RABEP1: variants seen among roughly 807,000 people sequenced by gnomAD.
RABEP1 encodes the protein rab GTPase-binding effector protein 1.
RABEP1 carries 51 observed loss-of-function variants against 123.4 expected under a neutral mutation model. The ratio of observed to expected loss-of-function variants is 0.41; its 90% CI spans 0.33 to 0.52. The LOEUF (loss-of-function observed/expected upper bound fraction) is 0.52, where lower values mean the gene tolerates loss of function less well. RABEP1 is among the 20% of genes least tolerant of loss of function. The probability of loss-of-function intolerance (pLI) is 0.16; values close to 1 mark genes in which losing one functional copy is unlikely to be tolerated. For missense variants in RABEP1, 888 were observed against 996.3 expected (o/e 0.89, Z 1.46); for synonymous variants, 347 against 355.2 (o/e 0.98, Z 0.26).
intron 2 of RABEP1, among the ~76,000 whole-genome samples, chr17:5,318,867 G>A (rs757324047): frequency 2.0e-5 from 3 of 152,088 alleles, no homozygotes; most frequent in Non-Finnish European, 4.4e-5. Flanking sequence ...GCAGCCACGT[G>A]GCATTTGTGT....
At position 5,322,361 on chromosome 17, in the gene RABEP1, G is replaced by C. The variant is rs192211924; in HGVS notation, c.164-9588G>C. On this transcript the variant is annotated intron_variant, in intron 2 of 17. Coordinates refer to ENST00000537505, the MANE Select transcript of RABEP1 (RefSeq NM_004703.6). ...GGGTGACAGTGAAACTGTCTCAAAA[G>C]AAAAAAAAGAAAAGACCGTAAAAAG... 6.7e-3 allele frequency among the ~76,000 whole-genome samples: 1,007 copies of C among 150,378 alleles called. 8 individuals carry two copies. Among genetic ancestry groups the C allele is most frequent in the Non-Finnish European group, 0.011 (736 of 67,492 alleles).
intron 8 of RABEP1, among the ~76,000 whole-genome samples, chr17:5,354,712 C>CT (rs952014951): frequency 2.0e-5 from 3 of 152,134 alleles, no homozygotes; most frequent in African/African-American, 7.2e-5. Flanking sequence ...AATAGATGTT[C>CT]TTTTTTCCAG....
At chr17:5,329,121 T>G in intron 2 of RABEP1, among the ~76,000 whole-genome samples, 1 of 151,846 alleles carries the variant, frequency 6.6e-6, no homozygotes, top group East Asian at 1.9e-4. Flanking sequence ...AGTGGTACTT[T>G]GTTTATATAA....
chr17:5,336,186 A>G (rs781075857), intron 4 of RABEP1, among the ~76,000 whole-genome samples: 6 of 152,180 alleles, frequency 3.9e-5, no homozygotes, highest in Admixed American at 6.5e-5. Context: ...TTTCTTTTCA[A>G]TTGAATTGAT....
In RABEP1 at chr17:5,373,574, A is replaced by G. The variant is rs1013198413; in HGVS notation, c.2025+120A>G. ...TCACGTGCCAATTCAACCATTTAAA[A>G]TGTACCATTCAGTGGTTTTTGCTGT... On this transcript the variant is annotated intron_variant, in intron 13 of 17. Coordinates refer to ENST00000537505, the MANE Select transcript of RABEP1 (RefSeq NM_004703.6). 1.3e-5 allele frequency: 15 copies of G among 1,153,066 alleles called. No individual in the cohort carries two copies. The African/African-American group carries it at 2.0e-4, about 16-fold the overall frequency. 71.4% of individuals were successfully genotyped at this position (1,153,066 alleles called of 1,614,324 possible).
At chr17:5,320,843 A>G (rs926371695) in intron 2 of RABEP1, among the ~76,000 whole-genome samples, 4 of 152,248 alleles carry the variant, frequency 2.6e-5, no homozygotes, top group Non-Finnish European at 5.9e-5. Context: ...CCCCAAAGAC[A>G]GAAAGAAGAG....
chr17:5,356,955 G>C (rs1028717839), intron 8 of RABEP1, among the ~76,000 whole-genome samples: 5 of 152,028 alleles, frequency 3.3e-5, no homozygotes, highest in Admixed American at 1.3e-4. Context: ...TCAGCTCATT[G>C]CAACCTCTGC....
rs777245922 is a variant in RABEP1 at position 5,290,736 on chromosome 17, C to T, written c.34+8216C>T. Among the ~76,000 whole-genome samples the T allele has an allele frequency of 5.6e-4, 85 of 152,150 alleles. 1 individual carries two copies. The highest frequency in any genetic ancestry group is 1.7e-3 in the African/African-American group (70 of 41,510). ...GCCTTTGGAGTAGCTGGAATTACTCCGTGCTCATGACCCAGCCTGACTAAT... is the reference window on the plus strand; with the variant it reads ...GCCTTTGGAGTAGCTGGAATTACTCTGTGCTCATGACCCAGCCTGACTAAT... On this transcript the variant is annotated intron_variant, in intron 1 of 17. Coordinates refer to ENST00000537505, the MANE Select transcript of RABEP1 (RefSeq NM_004703.6).
rs1434015974 is a variant in RABEP1 at position 5,380,331 on chromosome 17, TTC to T, written c.2272-31_2272-30del. On this transcript the variant is annotated intron_variant, in intron 15 of 17. Transcript: ENST00000537505. ...TAGTGCACTGGGGCCCAGAGGGAGT[TTC>T]TGTGAGTTTCAGCTTTTTCCTTTTT... 6 of 1,451,388 alleles carry T rather than the reference TTC, an allele frequency of 4.1e-6. No homozygotes were observed. The African/African-American group carries it at 4.3e-5, about 10-fold the overall frequency. 89.9% of individuals were successfully genotyped at this position (1,451,388 alleles called of 1,614,324 possible).
chr17:5,296,420 C>T (rs2075084243), intron 1 of RABEP1, among the ~76,000 whole-genome samples: 1 of 152,088 alleles, frequency 6.6e-6, no homozygotes, highest in Admixed American at 6.5e-5. Flanking sequence ...TGTGCCACCA[C>T]ACCCGGCTAA....
At chr17:5,382,967 G>GGAATT (rs1258306308) in intron 17 of RABEP1, among the ~76,000 whole-genome samples, 155 bp from the exon 18 acceptor site, 1 of 152,110 alleles carries the variant, frequency 6.6e-6, no homozygotes, top group African/African-American at 2.4e-5. Flanking sequence ...GTAGCTTTGG[G>GGAATT]GAATTATTTT....
intron 8 of RABEP1, among the ~76,000 whole-genome samples, chr17:5,355,503 C>G (rs1236116857): frequency 2.6e-5 from 4 of 152,152 alleles, no homozygotes; most frequent in Admixed American, 6.5e-5. Flanking sequence ...TGCTCTCCAC[C>G]TCTCTGTAGC....
chr17:5,370,193 G>A (rs1342872149), intron 12 of RABEP1, among the ~76,000 whole-genome samples: 1 of 152,180 alleles, frequency 6.6e-6, no homozygotes, highest in Non-Finnish European at 1.5e-5. Flanking sequence ...GCTTGCCCTT[G>A]TTCTTAGTCT....
intron 1 of RABEP1, among the ~76,000 whole-genome samples, chr17:5,291,728 G>A (rs1195721558): frequency 6.6e-6 from 1 of 152,104 alleles, no homozygotes; most frequent in Non-Finnish European, 1.5e-5. Context: ...CCAACATGGC[G>A]AAATTCCGTT....
At chr17:5,372,632 A>T (rs1023506987) in intron 12 of RABEP1, among the ~76,000 whole-genome samples, 5 of 152,222 alleles carry the variant, frequency 3.3e-5, no homozygotes, top group Admixed American at 2.6e-4. Context: ...AGTGCACGCC[A>T]TGGGGAAATG....
intron 10 of RABEP1, among the ~76,000 whole-genome samples, chr17:5,363,873 A>T (rs1426518814): frequency 6.6e-6 from 1 of 152,176 alleles, no homozygotes; most frequent in Non-Finnish European, 1.5e-5. Flanking sequence ...GTGTTTAATA[A>T]TGGGCACCTT....
At chr17:5,308,520 C>CT (rs1217143578) in intron 1 of RABEP1, among the ~76,000 whole-genome samples, 174 bp from the exon 2 acceptor site, 1 of 152,226 alleles carries the variant, frequency 6.6e-6, no homozygotes. Flanking sequence ...GCCACCATGC[C>CT]TGGTCTGTCT....
At chr17:5,379,828 G>A (rs1567556089) in intron 15 of RABEP1, among the ~76,000 whole-genome samples, 2 of 152,088 alleles carry the variant, frequency 1.3e-5, no homozygotes, top group South Asian at 2.1e-4. Flanking sequence ...TTATTTTACA[G>A]GATCAAGTCC....
chr17:5,326,253 A>G (rs372102308), intron 2 of RABEP1, among the ~76,000 whole-genome samples: 6 of 152,228 alleles, frequency 3.9e-5, no homozygotes, highest in Admixed American at 6.5e-5. Flanking sequence ...ATGTCCTTCA[A>G]TAGGTTAATG....
Sources: gnomAD v4.1 joint callset for allele counts (sites outside exome capture counted in the v4.1 genomes callset) on GRCh38, gnomAD v4.1.1 for gene constraint, MANE v1.5 for transcripts, NCBI Gene and HGNC (gene_info 2026-07-23, HGNC 2026-07-21) for gene names.